KIF16B: variants seen among roughly 807,000 people sequenced by gnomAD.
KIF16B encodes the protein kinesin family member 16B.
KIF16B carries 98 observed loss-of-function variants against 156.3 expected under a neutral mutation model. The observed-to-expected ratio is 0.63, with a 90% confidence interval of 0.53 to 0.74. The LOEUF (loss-of-function observed/expected upper bound fraction) is 0.74. Ranked by LOEUF, KIF16B falls within the 30% of genes least tolerant of loss-of-function variation. KIF16B has a pLI of 0.00. For missense variants in KIF16B, 1,421 were observed against 1,606.5 expected, an observed-to-expected ratio of 0.88 and a Z score of 1.97; for synonymous variants, 564 against 583.7, an observed-to-expected ratio of 0.97 and a Z score of 0.49.
At chr20:16,447,498 G>C (rs1012368815) in intron 12 of KIF16B, among the ~76,000 whole-genome samples, 1 of 151,960 alleles carries the variant, frequency 6.6e-6, no homozygotes, top group Non-Finnish European at 1.5e-5. Flanking sequence ...TTGCGGCTGG[G>C]TGCAGTGGCT....
At chr20:16,330,546 G>A (rs902266771) in intron 24 of KIF16B, among the ~76,000 whole-genome samples, 1 of 152,206 alleles carries the variant, frequency 6.6e-6, no homozygotes, top group South Asian at 2.1e-4. Context: ...ATATAGGTAT[G>A]TTCAAGAATG....
intron 17 of KIF16B, among the ~76,000 whole-genome samples, chr20:16,397,148 G>A (rs2065526637): frequency 2.0e-5 from 3 of 152,218 alleles, no homozygotes; most frequent in Non-Finnish European, 4.4e-5. Flanking sequence ...GGCAGAGGAG[G>A]CTTGAGCAGT....
rs147706374 is a variant in KIF16B at position 16,379,625 on chromosome 20, C to G, written c.2377G>C (p.Asp793His). 3.6e-4 allele frequency: 585 copies of G among 1,614,016 alleles called. No homozygotes were observed. The highest frequency in any genetic ancestry group is 4.9e-4 in the Non-Finnish European group (575 of 1,180,032). The stretch of plus-strand genomic sequence containing the variant: ...AGGGATTCCCGAATGCCTTCCAGGT[C>G]CCTCTTCTCCTCTTCCACCCACTGT... Reference protein sequence around the residue: ...EVQWVEEEKRDLEGIRESLLR... With the variant: ...EVQWVEEEKRHLEGIRESLLR... The change falls in exon 19 of 26, where the codon GAC becomes CAC. Residue 793 changes from aspartate (D) to histidine (H), a missense_variant. Physicochemically the swap from Asp to His is moderately conservative, Grantham distance 81. Coordinates refer to ENST00000354981, the MANE Select transcript of KIF16B (RefSeq NM_024704.5).
chr20:16,529,846 G>A (rs1385876997), intron 1 of KIF16B, among the ~76,000 whole-genome samples: 2 of 152,168 alleles, frequency 1.3e-5, no homozygotes, highest in Admixed American at 6.5e-5. Context: ...AGCTACTCGG[G>A]AGGCTGAGGC....
At position 16,529,898 on chromosome 20, in the gene KIF16B, C is replaced by A. The variant is rs542402115; in HGVS notation, c.48-1458G>T. On this transcript the variant is annotated intron_variant, in intron 1 of 25. Transcript: ENST00000354981. The stretch of plus-strand genomic sequence containing the variant: ...TCCAAGAGGCAGAGGTTGCAGTGAG[C>A]CAAGATCACGCCACTGCACTCACTC... Among the ~76,000 whole-genome samples the A allele has an allele frequency of 3.3e-5, 5 of 152,236 alleles. No homozygotes were observed. In the South Asian group the frequency reaches 1.0e-3, roughly 32 times the overall value.
intron 23 of KIF16B, among the ~76,000 whole-genome samples, chr20:16,348,849 T>TA (rs74175685): frequency 0.036 from 5,511 of 152,172 alleles, 113 homozygotes; most frequent in African/African-American, 0.047. Context: ...AGAATAATTT[T>TA]AAAAAACCAA....
rs371858270 is a variant in KIF16B at position 16,519,748 on chromosome 20, C to G, written c.232-4084G>C. Among the ~76,000 whole-genome samples the G allele has an allele frequency of 3.4e-4, 52 of 152,330 alleles. No individual in the cohort carries two copies. In the East Asian group the frequency reaches 4.2e-3, roughly 12 times the overall value. ...GCAAGATGGCCAAATAGGAACAGCTCTGGTCTGCAGCTCCCAGCAAGATCA... is the reference window on the plus strand; with the variant it reads ...GCAAGATGGCCAAATAGGAACAGCTGTGGTCTGCAGCTCCCAGCAAGATCA... On this transcript the variant is annotated intron_variant, in intron 3 of 25. Coordinates refer to ENST00000354981, the MANE Select transcript of KIF16B (RefSeq NM_024704.5).
intron 24 of KIF16B, among the ~76,000 whole-genome samples, chr20:16,327,791 A>G (rs1472307893): frequency 6.6e-6 from 1 of 152,120 alleles, no homozygotes; most frequent in Non-Finnish European, 1.5e-5. Flanking sequence ...AGCTGGCTGT[A>G]TTCTATTTTT....
intron 12 of KIF16B, among the ~76,000 whole-genome samples, chr20:16,438,963 A>G (rs1166811337): frequency 3.3e-5 from 5 of 152,200 alleles, no homozygotes; most frequent in Non-Finnish European, 7.4e-5. Context: ...ACAAAAACAA[A>G]AAAGAGAAGG....
intron 25 of KIF16B, among the ~76,000 whole-genome samples, chr20:16,278,042 G>A (rs1292867456): frequency 6.6e-6 from 1 of 152,188 alleles, no homozygotes; most frequent in Non-Finnish European, 1.5e-5. Context: ...GATAGTTGGA[G>A]GAGGAAAGTC....
At chr20:16,393,432 A>C (rs997904462) in intron 17 of KIF16B, among the ~76,000 whole-genome samples, 1 of 152,236 alleles carries the variant, frequency 6.6e-6, no homozygotes, top group Admixed American at 6.5e-5. Context: ...AATTAACCTT[A>C]GGTCATGAGA....
intron 1 of KIF16B, among the ~76,000 whole-genome samples, chr20:16,570,858 A>G (rs2071426306): frequency 1.3e-5 from 2 of 152,172 alleles, no homozygotes; most frequent in Non-Finnish European, 2.9e-5. Flanking sequence ...GCATATCCCA[A>G]TGTCCAATCC....
At chr20:16,458,100 G>A (rs1339540988) in intron 12 of KIF16B, among the ~76,000 whole-genome samples, 2 of 152,080 alleles carry the variant, frequency 1.3e-5, no homozygotes, top group Non-Finnish European at 2.9e-5. Flanking sequence ...GTTTTGCTGT[G>A]AGCCACTTTA....
At chr20:16,524,619 G>A (rs560206036) in intron 3 of KIF16B, among the ~76,000 whole-genome samples, 12 of 152,266 alleles carry the variant, frequency 7.9e-5, no homozygotes, top group South Asian at 2.1e-4. Context: ...ACAGTGTGGC[G>A]ATTCCTCAAG....
intron 23 of KIF16B, among the ~76,000 whole-genome samples, chr20:16,337,896 G>A (rs1453366706): frequency 2.0e-5 from 3 of 152,208 alleles, no homozygotes; most frequent in Non-Finnish European, 4.4e-5. Context: ...AAAAGCCCAG[G>A]AAGTTAATGG....
chr20:16,432,294 T>C lies in KIF16B; in HGVS notation c.1303-2312A>G, dbSNP rs142443317. ...AGAGCATGACATTGTGCTCCATGACTGTACGAGCAACAGAAAACCCAGTTC... is the reference window on the plus strand; with the variant it reads ...AGAGCATGACATTGTGCTCCATGACCGTACGAGCAACAGAAAACCCAGTTC... On this transcript the variant is annotated intron_variant, in intron 12 of 25. Coordinates refer to ENST00000354981, the MANE Select transcript of KIF16B (RefSeq NM_024704.5). Among the ~76,000 whole-genome samples, 122 of 152,228 alleles carry C rather than the reference T, an allele frequency of 8.0e-4. No individual in the cohort carries two copies. In the East Asian group the frequency reaches 0.019, roughly 23 times the overall value.
At chr20:16,397,817 T>G (rs2065548960) in intron 17 of KIF16B, among the ~76,000 whole-genome samples, 1 of 152,194 alleles carries the variant, frequency 6.6e-6, no homozygotes, top group Admixed American at 6.5e-5. Flanking sequence ...AATGTGGAGA[T>G]AGAAAACAGC....
intron 1 of KIF16B, among the ~76,000 whole-genome samples, chr20:16,539,001 C>T (rs2070089599): frequency 6.6e-6 from 1 of 152,110 alleles, no homozygotes; most frequent in African/African-American, 2.4e-5. Context: ...CTGAGGCCTC[C>T]TGAGAAGCAG....
chr20:16,417,505 T>C (rs1184087057), intron 15 of KIF16B, among the ~76,000 whole-genome samples: 1 of 152,006 alleles, frequency 6.6e-6, no homozygotes, highest in East Asian at 1.9e-4. Flanking sequence ...TCTCATAATA[T>C]CCAAAATGTC....
Sources: allele counts gnomAD v4.1 joint callset (sites outside exome capture counted in the v4.1 genomes callset), GRCh38; gene constraint gnomAD v4.1.1; transcripts MANE v1.5; gene names NCBI Gene and HGNC (gene_info 2026-07-23, HGNC 2026-07-21).